ZRANB3: variants seen among roughly 807,000 people sequenced by gnomAD.
The protein encoded by ZRANB3 is DNA annealing helicase and endonuclease ZRANB3.
ZRANB3 carries 125 observed loss-of-function variants against 133.8 expected under a neutral mutation model. The observed-to-expected ratio is 0.93, with a 90% CI of 0.81 to 1.08. The LOEUF (loss-of-function observed/expected upper bound fraction) is 1.08, where lower values mean the gene tolerates loss of function less well. ZRANB3 is among the 50% of genes least tolerant of loss of function. The probability of loss-of-function intolerance (pLI) is 0.00; values close to 1 mark genes in which losing one functional copy is unlikely to be tolerated. For synonymous variants in ZRANB3, 387 were observed against 432.7 expected (o/e 0.89, Z 1.31); for missense variants, 1,229 against 1,275.5 (o/e 0.96, Z 0.56).
intron 6 of ZRANB3, among the ~76,000 whole-genome samples, chr2:135,320,385 G>T (rs1390004138): frequency 6.6e-6 from 1 of 152,142 alleles, no homozygotes; most frequent in African/African-American, 2.4e-5. Flanking sequence ...TTGGGGGTAG[G>T]TTTAAAACAA....
intron 3 of ZRANB3, among the ~76,000 whole-genome samples, chr2:135,362,412 G>C (rs1321032137): frequency 6.6e-6 from 1 of 152,118 alleles, no homozygotes; most frequent in Non-Finnish European, 1.5e-5. Context: ...GCTTTCTCTT[G>C]AAGGGAATGC....
rs375751316 is a variant in ZRANB3, at chr2:135,293,602, C to G, written c.967-17847G>C. Among the ~76,000 whole-genome samples, 8 of 152,054 alleles carry G rather than the reference C, an allele frequency of 5.3e-5. No individual in the cohort carries two copies. The South Asian group carries it at 6.2e-4, about 12-fold the overall frequency. On this transcript the variant is annotated intron_variant, in intron 8 of 20. Transcript: ENST00000264159. The stretch of plus-strand genomic sequence containing the variant: ...TGCCCTTTATTTCCTTCTCCTGCCT[C>G]ATTGCCCTGGCCAGAACTTCCAACA...
chr2:135,414,866 A>G (rs1425682364), intron 2 of ZRANB3, among the ~76,000 whole-genome samples: 2 of 152,212 alleles, frequency 1.3e-5, no homozygotes, highest in Non-Finnish European at 2.9e-5. Flanking sequence ...TGGGTATATA[A>G]CAAAATGAAG....
At chr2:135,411,617 T>C (rs1558981140) in intron 2 of ZRANB3, among the ~76,000 whole-genome samples, 1 of 152,132 alleles carries the variant, frequency 6.6e-6, no homozygotes, top group Non-Finnish European at 1.5e-5. Context: ...TGCAACAACA[T>C]GCCTGCAACT....
At chr2:135,515,938 T>C (rs1445283489) in intron 1 of ZRANB3, among the ~76,000 whole-genome samples, 8 of 152,122 alleles carry the variant, frequency 5.3e-5, no homozygotes, top group Non-Finnish European at 4.4e-5. Flanking sequence ...TCTCTAAGAA[T>C]TTGCTTTATG....
chr2:135,378,903 A>G (rs2104908989), intron 3 of ZRANB3, among the ~76,000 whole-genome samples: 1 of 152,344 alleles, frequency 6.6e-6, no homozygotes, highest in East Asian at 1.9e-4. Flanking sequence ...AGAGAAGCCT[A>G]AAGAGACATT....
chr2:135,200,143 T>C lies in ZRANB3; in HGVS notation c.*199A>G. On this transcript the variant is annotated 3_prime_UTR_variant, in exon 21 of 21. Coordinates refer to ENST00000264159, the MANE Select transcript of ZRANB3 (RefSeq NM_032143.4). ...TCAAATCAAAAAGACCACAGAAATA[T>C]TCAGTATTGTATCTTAGTTTCTGTT... 1.5e-6 allele frequency: 1 copy of C among 649,462 alleles called. No homozygotes were observed. The highest frequency in any genetic ancestry group is 1.7e-5 in the South Asian group (1 of 60,252). 40.2% of individuals were successfully genotyped at this position (649,462 alleles called of 1,614,324 possible).
At chr2:135,484,992 C>T (rs924682454) in intron 2 of ZRANB3, among the ~76,000 whole-genome samples, 8 of 151,612 alleles carry the variant, frequency 5.3e-5, no homozygotes, top group Admixed American at 4.0e-4. Flanking sequence ...GCCAAGAATG[C>T]GCCACTGCAC....
chr2:135,448,956 C>T (rs1282041676), intron 2 of ZRANB3, among the ~76,000 whole-genome samples: 1 of 152,156 alleles, frequency 6.6e-6, no homozygotes, highest in African/African-American at 2.4e-5. Context: ...ATGTTTCCTC[C>T]TCTGGAGATT....
chr2:135,267,813 C>T lies in ZRANB3; in HGVS notation c.1386+1149G>A, dbSNP rs78194784. 9.0e-3 allele frequency among the ~76,000 whole-genome samples: 1,376 copies of T among 152,196 alleles called. 20 individuals carry two copies. The highest frequency in any genetic ancestry group is 0.03 in the African/African-American group (1,240 of 41,510). ...GCTATGGGCTGAATGTTTGTATCCC[C>T]CCCAAATTCAGATGTTAAAATCCTA... is the stretch of plus-strand genomic sequence containing the variant. On this transcript the variant is annotated intron_variant, in intron 11 of 20. Transcript: ENST00000264159.
intron 4 of ZRANB3, 108 bp downstream of exon 4, chr2:135,353,342 C>T: frequency 1.5e-6 from 1 of 653,056 alleles, no homozygotes; most frequent in East Asian, 3.3e-5. Context: ...CTACTTACTC[C>T]ACTTCTAAAT....
intron 1 of ZRANB3, among the ~76,000 whole-genome samples, chr2:135,526,290 A>G (rs935111474): frequency 6.6e-6 from 1 of 150,708 alleles, no homozygotes; most frequent in Non-Finnish European, 1.5e-5. Flanking sequence ...CAGCCTCCCG[A>G]GTAGCTGGGA....
chr2:135,517,589 T>C (rs943821187), intron 1 of ZRANB3, among the ~76,000 whole-genome samples: 4 of 152,208 alleles, frequency 2.6e-5, no homozygotes, highest in African/African-American at 9.6e-5. Flanking sequence ...TTTGCCTGGG[T>C]ATCACCAGCA....
chr2:135,481,658 G>A (rs1450765355), intron 2 of ZRANB3, among the ~76,000 whole-genome samples: 2 of 150,322 alleles, frequency 1.3e-5, no homozygotes, highest in South Asian at 2.1e-4. Context: ...TGTTGCCATT[G>A]CTTTTGGTGT....
chr2:135,465,921 C>T (rs1256414188), intron 2 of ZRANB3, among the ~76,000 whole-genome samples: 1 of 151,864 alleles, frequency 6.6e-6, no homozygotes, highest in Non-Finnish European at 1.5e-5. Context: ...TGAAAAAAAG[C>T]TCATCATATT....
chr2:135,428,880 A>C (rs1036093214), intron 2 of ZRANB3, among the ~76,000 whole-genome samples: 1 of 152,232 alleles, frequency 6.6e-6, no homozygotes, highest in Non-Finnish European at 1.5e-5. Context: ...AAAGCCAAAG[A>C]ATAACAGATG....
Position 135,350,015 on chromosome 2 carries a change from G to T in ZRANB3, c.560C>A (p.Thr187Lys). 1 of 1,613,788 alleles carries T rather than the reference G, an allele frequency of 6.2e-7. No homozygotes were observed. Among genetic ancestry groups the T allele is most frequent in the Non-Finnish European group, 8.5e-7 (1 of 1,179,854 alleles). The part of the protein sequence containing the change: ...VQKARRAILL[T>K]GTPALGRPEE... The stretch of plus-strand genomic sequence containing the variant: ...AGGCCTTCCTAAAGCTGGTGTTCCT[G>T]TAAGAAGAATGGCTCGTCTGGCTTT... The change falls in exon 5 of 21, where the codon ACA (threonine) becomes AAA (lysine). Residue 187 changes from threonine to lysine, a missense_variant. Transcript: ENST00000264159.
At chr2:135,434,402 A>T (rs1343622725) in intron 2 of ZRANB3, among the ~76,000 whole-genome samples, 1 of 152,168 alleles carries the variant, frequency 6.6e-6, no homozygotes, top group Non-Finnish European at 1.5e-5. Flanking sequence ...TGAAGAAGTA[A>T]ATTAGGAGAG....
intron 2 of ZRANB3, among the ~76,000 whole-genome samples, chr2:135,462,824 C>G (rs1264748297): frequency 6.6e-6 from 1 of 152,124 alleles, no homozygotes; most frequent in Non-Finnish European, 1.5e-5. Context: ...AACTCCTGAC[C>G]TCAGGTGATC....
Sources: allele counts gnomAD v4.1 joint callset (sites outside exome capture counted in the v4.1 genomes callset), GRCh38; gene constraint gnomAD v4.1.1; transcripts MANE v1.5; gene names NCBI Gene and HGNC (gene_info 2026-07-23, HGNC 2026-07-21).